ASTN2: variants seen among roughly 807,000 people sequenced by gnomAD.
ASTN2 encodes astrotactin 2, also known as astrotactin-2.
Under a neutral mutation model 139.8 loss-of-function variants are expected in ASTN2, and 54 were observed. The ratio of observed to expected loss-of-function variants is 0.39; its 90% CI spans 0.31 to 0.48. The LOEUF (loss-of-function observed/expected upper bound fraction) is 0.48. Ranked by LOEUF, ASTN2 falls within the 20% of genes least tolerant of loss-of-function variation. The probability of loss-of-function intolerance (pLI) is 0.95; values close to 1 mark genes in which losing one functional copy is unlikely to be tolerated. For missense variants in ASTN2, 1,565 were observed against 1,725.1 expected (o/e 0.91, Z 1.64); for synonymous variants, 756 against 719.5 (o/e 1.05, Z -0.81).
intron 3 of ASTN2, among the ~76,000 whole-genome samples, chr9:117,173,977 G>A (rs538150866): frequency 2.8e-3 from 277 of 98,694 alleles, no homozygotes; most frequent in African/African-American, 9.0e-3. Context: ...CCAAAACCAA[G>A]AACAAAAAAA....
rs542562452 is a variant in ASTN2, at chr9:116,440,519, G to T, written c.3782+90C>A. ...TAATCACCCTTATTTACTTGATAAA[G>T]CCTAGTCTCAGCCTATGGGGAAAGG... On this transcript the variant is annotated intron_variant, in intron 22 of 22. Transcript: ENST00000313400. 2.9e-5 allele frequency: 36 copies of T among 1,238,444 alleles called. No individual in the cohort carries two copies. In the East Asian group the frequency reaches 5.7e-4, roughly 20 times the overall value. 76.7% of individuals were successfully genotyped at this position (1,238,444 alleles called of 1,614,324 possible). A position where few individuals can be genotyped will look rare whatever the true frequency, so the allele number is the denominator to read the frequency against.
chr9:116,820,456 T>C (rs1236003594), intron 12 of ASTN2, among the ~76,000 whole-genome samples, 161 bp downstream of exon 12: 1 of 152,244 alleles, frequency 6.6e-6, no homozygotes, highest in Admixed American at 6.5e-5. Context: ...CAGAAGGTTA[T>C]ACTTTTGGCT....
chr9:116,996,887 C>A (rs1837038004), intron 7 of ASTN2, among the ~76,000 whole-genome samples: 1 of 151,648 alleles, frequency 6.6e-6, no homozygotes, highest in South Asian at 2.1e-4. Flanking sequence ...TTTAGAAGAC[C>A]AATATATTTT....
intron 16 of ASTN2, chr9:116,687,454 C>CCT (rs1860311929): frequency 6.4e-6 from 1 of 155,044 alleles, no homozygotes; most frequent in East Asian, 2.6e-4. Context: ...AGCGGCCAGG[C>CCT]GGGGGAACGT....
intron 5 of ASTN2, among the ~76,000 whole-genome samples, chr9:117,042,131 C>T (rs1005552320): frequency 2.6e-5 from 4 of 152,156 alleles, no homozygotes; most frequent in South Asian, 2.1e-4. Context: ...AACATAGATG[C>T]TGACCAACCA....
chr9:117,083,163 C>A (rs984041099), intron 5 of ASTN2, among the ~76,000 whole-genome samples: 2 of 152,064 alleles, frequency 1.3e-5, no homozygotes, highest in African/African-American at 4.8e-5. Flanking sequence ...TCCTGGTCTT[C>A]AGCAAAGAGT....
intron 1 of ASTN2, among the ~76,000 whole-genome samples, chr9:117,332,608 T>A (rs1169897915): frequency 6.6e-6 from 1 of 152,136 alleles, no homozygotes; most frequent in African/African-American, 2.4e-5. Context: ...GGACACAGGA[T>A]TAGCCTATTT....
intron 3 of ASTN2, among the ~76,000 whole-genome samples, chr9:117,167,513 C>A (rs148578375): frequency 6.6e-6 from 1 of 152,004 alleles, no homozygotes; most frequent in African/African-American, 2.4e-5. Flanking sequence ...ATACAACAAA[C>A]GCTCAAAATA....
intron 20 of ASTN2, among the ~76,000 whole-genome samples, chr9:116,463,224 C>CA (rs1848546198): frequency 6.6e-6 from 1 of 152,162 alleles, no homozygotes; most frequent in Non-Finnish European, 1.5e-5. Flanking sequence ...ACCAGTCTCT[C>CA]AGGCTTCTCC....
At chr9:116,480,838 C>T (rs1208553375) in intron 20 of ASTN2, among the ~76,000 whole-genome samples, 1 of 152,062 alleles carries the variant, frequency 6.6e-6, no homozygotes, top group African/African-American at 2.4e-5. Context: ...TGGGTAGGGG[C>T]AAGTGTGGGA....
At chr9:116,600,742 C>G (rs1236049043) in intron 19 of ASTN2, among the ~76,000 whole-genome samples, 2 of 152,140 alleles carry the variant, frequency 1.3e-5, no homozygotes, top group Admixed American at 1.3e-4. Context: ...CTCCTATAGT[C>G]CCTTCTTTTT....
intron 20 of ASTN2, among the ~76,000 whole-genome samples, chr9:116,484,093 A>C (rs573120318): frequency 6.6e-5 from 10 of 152,302 alleles, no homozygotes; most frequent in African/African-American, 2.4e-4. Flanking sequence ...CCTTCCAAAG[A>C]TAGTGGGACC....
At chr9:116,465,046 T>G (rs1233886621) in intron 20 of ASTN2, among the ~76,000 whole-genome samples, 1 of 152,234 alleles carries the variant, frequency 6.6e-6, no homozygotes, top group Non-Finnish European at 1.5e-5. Context: ...TCTGTGCTTC[T>G]GCCTAATGTT....
Position 116,572,436 on chromosome 9 carries a change from T to C in ASTN2, c.3355+45888A>G, listed in dbSNP as rs187922516. Among the ~76,000 whole-genome samples, 5 of 152,346 alleles carry C rather than the reference T, an allele frequency of 3.3e-5. No individual in the cohort carries two copies. The East Asian group carries it at 9.7e-4, about 29-fold the overall frequency. ...CCCCTGAGACTTCCAGCCTTCTTAA[T>C]AAGGGACTTTAGGAGAGGAATGGGT... On this transcript the variant is annotated intron_variant, in intron 19 of 22. Coordinates refer to ENST00000313400, the MANE Select transcript of ASTN2 (RefSeq NM_001365068.1).
At chr9:116,606,394 AGTGT>A (rs368227816) in intron 19 of ASTN2, among the ~76,000 whole-genome samples, 2 of 152,080 alleles carry the variant, frequency 1.3e-5, no homozygotes, top group African/African-American at 4.8e-5. Flanking sequence ...GCAGCCATAA[AGTGT>A]GTGTGTATGT....
chr9:116,590,065 CG>C (rs1329427875), intron 19 of ASTN2, among the ~76,000 whole-genome samples: 1 of 152,172 alleles, frequency 6.6e-6, no homozygotes, highest in African/African-American at 2.4e-5. Flanking sequence ...GCAAAGACAC[CG>C]GCTGCAGCAG....
intron 5 of ASTN2, among the ~76,000 whole-genome samples, chr9:117,042,638 T>G (rs1838612598): frequency 6.6e-6 from 1 of 151,780 alleles, no homozygotes; most frequent in East Asian, 1.9e-4. Context: ...TTATAATATT[T>G]ATAAATATAA....
At chr9:117,254,332 T>G (rs1833623515) in intron 2 of ASTN2, among the ~76,000 whole-genome samples, 1 of 152,230 alleles carries the variant, frequency 6.6e-6, no homozygotes, top group Non-Finnish European at 1.5e-5. Context: ...ATTAATATCC[T>G]TAAGTAGCAT....
chr9:117,181,966 C>T (rs938399220), intron 3 of ASTN2, among the ~76,000 whole-genome samples: 2 of 152,292 alleles, frequency 1.3e-5, no homozygotes, highest in Middle Eastern at 6.8e-3. Context: ...CCAGTGCCCT[C>T]CTTCCCCACC....
Sources: gnomAD v4.1 joint callset for allele counts (sites outside exome capture counted in the v4.1 genomes callset) on GRCh38, gnomAD v4.1.1 for gene constraint, MANE v1.5 for transcripts, NCBI Gene and HGNC (gene_info 2026-07-23, HGNC 2026-07-21) for gene names.